AANAT: variants seen among roughly 807,000 people sequenced by gnomAD.
AANAT encodes the protein aralkylamine N-acetyltransferase.
AANAT carries 11 observed loss-of-function variants against 15.6 expected under a neutral mutation model. The observed-to-expected ratio is 0.71, with a 90% confidence interval of 0.44 to 1.17. The LOEUF (loss-of-function observed/expected upper bound fraction) is 1.17, where lower values mean the gene tolerates loss of function less well. Ranked by LOEUF, AANAT falls within the 50% of genes most tolerant of loss-of-function variation. The probability of loss-of-function intolerance (pLI) is 0.00; values close to 1 mark genes in which losing one functional copy is unlikely to be tolerated. For synonymous variants in AANAT, 139 were observed against 131.5 expected, an observed-to-expected ratio of 1.06 and a Z score of -0.39; for missense variants, 286 against 296.3, an observed-to-expected ratio of 0.97 and a Z score of 0.26.
exon 1 of AANAT, chr17:76,453,421 G>A (rs2073299907): frequency 3.5e-6 from 1 of 282,230 alleles, no homozygotes; most frequent in Non-Finnish European, 6.6e-6. Flanking sequence ...GCGGGGACCC[G>A]GGAGGAGGAA....
At chr17:76,464,799 A>ATATT (rs1555612681), upstream of AANAT, among the ~76,000 whole-genome samples, 1 of 148,336 alleles carries the variant, frequency 6.7e-6, no homozygotes, top group Admixed American at 6.7e-5. Flanking sequence ...GTATCTATAT[A>ATATT]TTTTTTTTTT....
rs1392360356 is a variant in AANAT at position 76,469,706 on chromosome 17, C to T, written c.360C>T (p.His120=). Residue 120 remains histidine (H), a synonymous_variant, in exon 4 of 4, where the codon CAC becomes CAT. Coordinates refer to ENST00000392492, the MANE Select transcript of AANAT (RefSeq NM_001088.3). The surrounding 1 kb of genome is among the most constrained non-coding windows in gnomAD (Gnocchi z 5.2). The part of the protein sequence containing the change: ...TLHRSGGHIA[H]LHVLAVHRAF... ...ACAGGTCTGGGGGCCACATAGCCCA[C>T]CTGCATGTGCTGGCCGTGCACCGCG... 1 of 1,533,234 alleles carries T rather than the reference C, an allele frequency of 6.5e-7. No homozygotes were observed. The highest frequency in any genetic ancestry group is 1.3e-5 in the South Asian group (1 of 79,522). The allele number at this position is 1,533,234 out of a possible 1,614,324, so 95.0% of individuals were successfully genotyped here.
chr17:76,462,844 T>C (rs1229960435), upstream of AANAT, among the ~76,000 whole-genome samples: 1 of 152,240 alleles, frequency 6.6e-6, no homozygotes, highest in Non-Finnish European at 1.5e-5. Flanking sequence ...GAGAGGGCTA[T>C]GCTTCCTGCA....
chr17:76,456,334 GA>G lies in AANAT; in HGVS notation c.-576+2569del, dbSNP rs60616607. 4.4e-3 allele frequency among the ~76,000 whole-genome samples: 622 copies of G among 142,640 alleles called. 9 individuals carry two copies. Among genetic ancestry groups the G allele is most frequent in the East Asian group, 0.013 (62 of 4,922 alleles). 93.6% of individuals were successfully genotyped at this position (142,640 alleles called of 152,430 possible). ...CAACAAGAGCAAAACTCCATCTCAG[GA>G]AAAAAAAAAAAAAAAAGAACATGCA... On this transcript the variant is annotated intron_variant, in intron 1 of 6. Transcript: ENST00000250615.
At chr17:76,467,296 A>C, upstream of AANAT, among the ~76,000 whole-genome samples, 1 of 152,072 alleles carries the variant, frequency 6.6e-6, no homozygotes, top group Non-Finnish European at 1.5e-5. Flanking sequence ...CCCCCCACAT[A>C]AGAGGTGGGC....
At chr17:76,466,106 G>A (rs979414991), upstream of AANAT, 23 of 1,387,178 alleles carry the variant, frequency 1.7e-5, no homozygotes, top group Non-Finnish European at 2.2e-5. Context: ...GAGAGAGGCC[G>A]ATTGAACAGC....
At position 76,469,423 on chromosome 17, in the gene AANAT, TCCTC is replaced by T; in HGVS notation, c.318+98_318+101del. ...GGGGAGCCCAGGGGCTGGGATTTCT[TCCTC>T]CAGAACTGGAGAGATGAGTACAGGC... is the stretch of plus-strand genomic sequence containing the variant. On this transcript the variant is annotated intron_variant, in intron 3 of 3. Transcript: ENST00000392492. This position sits in a 1 kb window ranked among gnomAD's most constrained non-coding sequence, Gnocchi z 5.2. The T allele has an allele frequency of 6.5e-7, 1 of 1,531,362 alleles. No individual in the cohort carries two copies. The allele number at this position is 1,531,362 out of a possible 1,614,324, so 94.9% of individuals were successfully genotyped here.
At chr17:76,465,174 T>TC (rs1185825514), upstream of AANAT, among the ~76,000 whole-genome samples, 4 of 151,340 alleles carry the variant, frequency 2.6e-5, no homozygotes, top group Non-Finnish European at 4.4e-5. Context: ...GGACACATTC[T>TC]CCCCCCCATC....
chr17:76,465,471 G>A (rs974233389), upstream of AANAT, among the ~76,000 whole-genome samples: 1 of 151,874 alleles, frequency 6.6e-6, no homozygotes, highest in Non-Finnish European at 1.5e-5. Context: ...AAGTAGCTGG[G>A]GCTACAGGTG....
upstream of AANAT, chr17:76,467,423 T>C: frequency 4.0e-6 from 2 of 496,090 alleles, no homozygotes; most frequent in Non-Finnish European, 2.6e-6. Flanking sequence ...CCCCAAACCC[T>C]GGGGCCTCAG....
chr17:76,454,344 G>C (rs2073316189), intron 1 of AANAT, among the ~76,000 whole-genome samples: 1 of 150,648 alleles, frequency 6.6e-6, no homozygotes, highest in Non-Finnish European at 1.5e-5. Context: ...AAATAGCTGG[G>C]CGTGGTGGCA....
At chr17:76,462,067 G>T (rs562005521) in intron 2 of AANAT, among the ~76,000 whole-genome samples, 1 of 152,242 alleles carries the variant, frequency 6.6e-6, no homozygotes, top group Admixed American at 6.5e-5. Context: ...TCCCAACCCT[G>T]AGTATATACT....
Position 76,469,653 on chromosome 17 carries a change from G to T in AANAT, c.319-12G>T. On this transcript the variant is annotated splice_polypyrimidine_tract_variant and intron_variant, in intron 3 of 3. Transcript: ENST00000392492. The surrounding 1 kb of genome is among the most constrained non-coding windows in gnomAD (Gnocchi z 5.2). ...GAAGTGACCTGGGATCTCATCCCTT[G>T]CTCGCTCCCAGGAGTCACTGACGCT... is the stretch of plus-strand genomic sequence containing the variant. The T allele has an allele frequency of 6.8e-7, 1 of 1,463,836 alleles. No individual in the cohort carries two copies. 90.7% of individuals were successfully genotyped at this position (1,463,836 alleles called of 1,614,324 possible).
chr17:76,460,277 T>A (rs1174083075), intron 2 of AANAT, among the ~76,000 whole-genome samples: 1 of 151,454 alleles, frequency 6.6e-6, no homozygotes, highest in Admixed American at 6.6e-5. Context: ...GCCTTCTGAG[T>A]AGCTGGGATT....
Position 76,469,091 on chromosome 17 carries a change from C to G in AANAT, c.164-82C>G, listed in dbSNP as rs1369563827. The G allele has an allele frequency of 1.3e-6, 2 of 1,581,434 alleles. No individual in the cohort carries two copies. Among genetic ancestry groups the G allele is most frequent in the Non-Finnish European group, 1.7e-6 (2 of 1,158,778 alleles). On this transcript the variant is annotated intron_variant, in intron 2 of 3. Coordinates refer to ENST00000392492, the MANE Select transcript of AANAT (RefSeq NM_001088.3). The surrounding 1 kb of genome is among the most constrained non-coding windows in gnomAD (Gnocchi z 5.2). ...CATTTTCCTGTGGGGAACGGGGCAT[C>G]TGAGTGGACACTCGGGGTGCAGCAG... is the stretch of plus-strand genomic sequence containing the variant.
upstream of AANAT, among the ~76,000 whole-genome samples, chr17:76,463,834 C>T (rs2073412252): frequency 6.6e-6 from 1 of 152,154 alleles, no homozygotes; most frequent in African/African-American, 2.4e-5. Context: ...TGTGGTGATA[C>T]ACATCCTCTC....
rs1320275034 is a variant in AANAT, at chr17:76,468,795, C to T, written c.49C>T (p.Pro17Ser). The T allele has an allele frequency of 1.2e-6, 2 of 1,613,526 alleles. No homozygotes were observed. The highest frequency in any genetic ancestry group is 1.7e-5 in the Admixed American group (1 of 60,020). Residue 17 changes from proline (P) to serine (S), a missense_variant, in exon 2 of 4, where the codon CCA becomes TCA. Pro to Ser is a moderately conservative substitution (Grantham distance 74). Coordinates refer to ENST00000392492, the MANE Select transcript of AANAT (RefSeq NM_001088.3). Reference sequence around the variant, plus strand: ...CCTGAAACCTGAGGCCCCACGTCTGCCACCTGGGATCCCCGAGTCCCCGAG... The same window carrying T: ...CCTGAAACCTGAGGCCCCACGTCTGTCACCTGGGATCCCCGAGTCCCCGAG... ...HPLKPEAPRL[P>S]PGIPESPSCQ...
intron 1 of AANAT, among the ~76,000 whole-genome samples, chr17:76,453,965 A>G (rs2073310500): frequency 6.6e-6 from 1 of 151,506 alleles, no homozygotes; most frequent in African/African-American, 2.5e-5. Context: ...ACACTGATTA[A>G]CTTATTTTCA....
intron 1 of AANAT, among the ~76,000 whole-genome samples, chr17:76,454,292 T>C (rs921154108): frequency 1.4e-4 from 21 of 148,662 alleles, no homozygotes; most frequent in African/African-American, 4.7e-4. Context: ...CTGGCCAACA[T>C]GGCGAAACCC....
Sources: allele counts gnomAD v4.1 joint callset (sites outside exome capture counted in the v4.1 genomes callset), GRCh38; gene constraint gnomAD v4.1.1; non-coding constraint Gnocchi (gnomAD v3.1); transcripts MANE v1.5; gene names NCBI Gene and HGNC (gene_info 2026-07-23, HGNC 2026-07-21).